The following TLL2 variants were observed in gnomAD, a reference collection of about 807,000 sequenced individuals.
TLL2 encodes tolloid like 2, also known as tolloid-like protein 2.
TLL2 carries 106 observed loss-of-function variants against 123.0 expected under a neutral mutation model. That is an observed-to-expected ratio of 0.86 (90% CI 0.74 to 1.01). The LOEUF (loss-of-function observed/expected upper bound fraction) is 1.01. Ranked by LOEUF, TLL2 falls within the 50% of genes least tolerant of loss-of-function variation. The probability of loss-of-function intolerance (pLI) is 0.00; values close to 1 mark genes in which losing one functional copy is unlikely to be tolerated. For synonymous variants in TLL2, 494 were observed against 516.8 expected, an observed-to-expected ratio of 0.96 and a Z score of 0.60; for missense variants, 1,332 against 1,336.7, an observed-to-expected ratio of 1.00 and a Z score of 0.06.
chr10:96,390,312 G>A (rs1564896811), intron 13 of TLL2, among the ~76,000 whole-genome samples: 1 of 152,236 alleles, frequency 6.6e-6, no homozygotes, highest in Non-Finnish European at 1.5e-5. Context: ...GCCCTTCATG[G>A]TGACCTATCA....
chr10:96,406,597 G>A (rs979157561), intron 9 of TLL2, among the ~76,000 whole-genome samples: 1 of 152,042 alleles, frequency 6.6e-6, no homozygotes, highest in African/African-American at 2.4e-5. Context: ...TTCCTCAAAG[G>A]TTCCCATTCC....
chr10:96,497,259 G>C (rs1198722197), intron 1 of TLL2, among the ~76,000 whole-genome samples: 1 of 152,130 alleles, frequency 6.6e-6, no homozygotes, highest in Non-Finnish European at 1.5e-5. Context: ...TCCAGTCTGG[G>C]CAACAGAATG....
chr10:96,459,612 G>C (rs1847053009), intron 2 of TLL2, among the ~76,000 whole-genome samples: 1 of 134,018 alleles, frequency 7.5e-6, no homozygotes, highest in South Asian at 2.6e-4. Context: ...GGAGGTTGCA[G>C]TCAACCAAAA....
At position 96,430,334 on chromosome 10, in the gene TLL2, C is replaced by T. The variant is rs970005888; in HGVS notation, c.521-1586G>A. On this transcript the variant is annotated intron_variant, in intron 4 of 20. Coordinates refer to ENST00000357947, the MANE Select transcript of TLL2 (RefSeq NM_012465.4). ...CATGTGATGTTCTGGCTTCCTGTTG[C>T]CTTCCGCCATGATTGCAAGCTTCCT... Among the ~76,000 whole-genome samples, 2 of 152,338 alleles carry T rather than the reference C, an allele frequency of 1.3e-5. 1 individual carries two copies. Among genetic ancestry groups the T allele is most frequent in the East Asian group, 3.9e-4 (2 of 5,186 alleles).
At chr10:96,395,442 T>C in intron 12 of TLL2, 60 bp from the exon 13 acceptor site, 1 of 1,478,776 alleles carries the variant, frequency 6.8e-7, no homozygotes, top group Non-Finnish European at 9.0e-7. Context: ...GGTTTTTGAT[T>C]TAAGAAGAGA....
chr10:96,468,480 C>T (rs1479692609), intron 2 of TLL2, among the ~76,000 whole-genome samples: 1 of 152,188 alleles, frequency 6.6e-6, no homozygotes, highest in Non-Finnish European at 1.5e-5. Flanking sequence ...AGTCCAGTCC[C>T]CAAGAGGCCA....
intron 10 of TLL2, among the ~76,000 whole-genome samples, chr10:96,401,199 C>T (rs1311256433): frequency 6.6e-6 from 1 of 152,176 alleles, no homozygotes; most frequent in Non-Finnish European, 1.5e-5. Context: ...GTTATGCGTC[C>T]ATTATGCCTG....
intron 2 of TLL2, among the ~76,000 whole-genome samples, chr10:96,476,240 A>ATATATATATATATTCTTTTTTTTTTT: frequency 5.4e-4 from 11 of 20,480 alleles, no homozygotes; most frequent in African/African-American, 1.7e-3. Flanking sequence ...ATATATATAT[A>ATATATATATATATTCTTTTTTTTTTT]TTTTATTTTT....
intron 3 of TLL2, 58 bp from the exon 4 acceptor site, chr10:96,433,020 G>A: frequency 3.2e-6 from 5 of 1,578,928 alleles, no homozygotes; most frequent in Non-Finnish European, 4.3e-6. Flanking sequence ...GTGAATTATG[G>A]CTGAGGTTGT....
At chr10:96,388,801 G>A (rs557747576) in intron 13 of TLL2, among the ~76,000 whole-genome samples, 51 of 152,238 alleles carry the variant, frequency 3.4e-4, no homozygotes, top group Admixed American at 2.2e-3. Context: ...CATTTCACTC[G>A]GTAAAGGAGG....
intron 1 of TLL2, among the ~76,000 whole-genome samples, chr10:96,485,097 T>C (rs778505793): frequency 6.6e-6 from 1 of 152,184 alleles, no homozygotes; most frequent in Admixed American, 6.5e-5. Flanking sequence ...AAGAATAAAG[T>C]TGAATTCCTA....
chr10:96,398,455 T>G (rs916716254), intron 10 of TLL2, among the ~76,000 whole-genome samples: 2 of 152,148 alleles, frequency 1.3e-5, no homozygotes, highest in Non-Finnish European at 2.9e-5. Context: ...AAACACAAAT[T>G]GACCAAAATC....
Position 96,397,181 on chromosome 10 carries a change from C to T in TLL2, c.1384+5G>A, listed in dbSNP as rs370401931. 1.2e-6 allele frequency: 2 copies of T among 1,609,410 alleles called. No homozygotes were observed. The highest frequency in any genetic ancestry group is 1.7e-6 in the Non-Finnish European group (2 of 1,177,588). ...ACCGAGCAGCTGCTTTCACCTCGCACAAACCTTCGTACGCTGCAAAGAAGC... is the reference window on the plus strand; with the variant it reads ...ACCGAGCAGCTGCTTTCACCTCGCATAAACCTTCGTACGCTGCAAAGAAGC... On this transcript the variant is annotated splice_donor_5th_base_variant and intron_variant, in intron 11 of 20. Coordinates refer to ENST00000357947, the MANE Select transcript of TLL2 (RefSeq NM_012465.4).
chr10:96,508,241 T>C (rs1487979365), intron 1 of TLL2, among the ~76,000 whole-genome samples: 1 of 152,204 alleles, frequency 6.6e-6, no homozygotes, highest in African/African-American at 2.4e-5. Context: ...TGGGCACTTT[T>C]AGGAGTCCCT....
intron 16 of TLL2, 111 bp downstream of exon 16, chr10:96,384,476 G>A: frequency 8.6e-7 from 1 of 1,158,726 alleles, no homozygotes; most frequent in Admixed American, 2.7e-5. Flanking sequence ...ATACCTGGAG[G>A]GATGCAGGAG....
chr10:96,450,649 C>T (rs1472302230), intron 2 of TLL2, among the ~76,000 whole-genome samples: 1 of 152,162 alleles, frequency 6.6e-6, no homozygotes, highest in Non-Finnish European at 1.5e-5. Flanking sequence ...ACATCGAAAT[C>T]GATGAAAAGC....
At chr10:96,492,815 T>C (rs1847428396) in intron 1 of TLL2, among the ~76,000 whole-genome samples, 1 of 152,200 alleles carries the variant, frequency 6.6e-6, no homozygotes, top group Non-Finnish European at 1.5e-5. Flanking sequence ...TAGTTGCTTC[T>C]GAGATCTCCT....
At chr10:96,387,429 A>G (rs1333161270) in intron 13 of TLL2, among the ~76,000 whole-genome samples, 4 of 152,218 alleles carry the variant, frequency 2.6e-5, no homozygotes, top group Non-Finnish European at 4.4e-5. Flanking sequence ...TTTTAAAACC[A>G]TGGAATTGAG....
chr10:96,477,473 C>G (rs1847270960), intron 2 of TLL2, among the ~76,000 whole-genome samples: 1 of 151,960 alleles, frequency 6.6e-6, no homozygotes, highest in Non-Finnish European at 1.5e-5. Context: ...CTCAGCCTCT[C>G]AAGTAGCTGG....
Sources: allele counts gnomAD v4.1 joint callset (sites outside exome capture counted in the v4.1 genomes callset), GRCh38; gene constraint gnomAD v4.1.1; transcripts MANE v1.5; gene names NCBI Gene and HGNC (gene_info 2026-07-23, HGNC 2026-07-21).